PRKACB: variants seen among roughly 807,000 people sequenced by gnomAD.
PRKACB encodes cAMP-dependent protein kinase catalytic subunit beta.
PRKACB carries 16 observed loss-of-function variants against 51.4 expected under a neutral mutation model. The observed-to-expected ratio is 0.31, with a 90% CI of 0.21 to 0.47. The LOEUF (loss-of-function observed/expected upper bound fraction) is 0.47, where lower values mean the gene tolerates loss of function less well. Among genes scored for constraint, PRKACB ranks in the 20% least tolerant of loss-of-function variants. The pLI is 1.00. For missense variants in PRKACB, 309 were observed against 464.5 expected (o/e 0.67, Z 3.08); for synonymous variants, 147 against 154.4 (o/e 0.95, Z 0.35).
At chr1:84,201,823 A>G (rs979985309) in intron 7 of PRKACB, among the ~76,000 whole-genome samples, 2 of 152,154 alleles carry the variant, frequency 1.3e-5, no homozygotes, top group Non-Finnish European at 2.9e-5. Context: ...GTTGATACTG[A>G]CCATAGTTAA....
rs112335906 is a variant in PRKACB, at chr1:84,090,053, T to C, written c.46+11682T>C. Among the ~76,000 whole-genome samples, 576 of 152,352 alleles carry C rather than the reference T, an allele frequency of 3.8e-3. 3 individuals are homozygous for C. The highest frequency in any genetic ancestry group is 0.013 in the African/African-American group (542 of 41,574). ...AGAGCTAAGCACTGCTAGAGAAAGC[T>C]GCACAGAAGAACACTAGAAATTTAC... On this transcript the variant is annotated intron_variant, in intron 1 of 8. Coordinates refer to the PRKACB transcript ENST00000370688.
At chr1:84,078,173 C>T (rs1647238729) in exon 1 of PRKACB, 2 of 793,122 alleles carry the variant, frequency 2.5e-6, no homozygotes, top group Admixed American at 3.1e-5. Context: ...TCAGACCCGG[C>T]CCGGTCTTCG....
chr1:84,123,969 C>A (rs1455673777), intron 1 of PRKACB, among the ~76,000 whole-genome samples: 1 of 151,812 alleles, frequency 6.6e-6, no homozygotes, highest in East Asian at 1.9e-4. Flanking sequence ...TGCATAGCTC[C>A]CTAAAGTAGT....
chr1:84,107,455 G>A (rs1464776805), intron 1 of PRKACB, among the ~76,000 whole-genome samples: 1 of 152,058 alleles, frequency 6.6e-6, no homozygotes, highest in Non-Finnish European at 1.5e-5. Flanking sequence ...AATGGCACAA[G>A]CAATTTCAAC....
intron 1 of PRKACB, among the ~76,000 whole-genome samples, chr1:84,093,445 G>C (rs1648678050): frequency 6.6e-6 from 1 of 151,886 alleles, no homozygotes; most frequent in African/African-American, 2.4e-5. Context: ...AATATATCTG[G>C]TTTCCTTCTT....
chr1:84,078,129 T>G (rs1450750178), upstream of PRKACB: 9 of 500,648 alleles, frequency 1.8e-5, no homozygotes, highest in Admixed American at 3.4e-4. Context: ...CCGCTGCTGC[T>G]GCCGGTGCTA....
intron 1 of PRKACB, among the ~76,000 whole-genome samples, chr1:84,109,914 T>C (rs1258254103): frequency 6.6e-6 from 1 of 151,988 alleles, no homozygotes; most frequent in Non-Finnish European, 1.5e-5. Context: ...CTTATTTGTC[T>C]TTCAATTTTA....
At chr1:84,106,413 A>G (rs1346978570) in intron 1 of PRKACB, among the ~76,000 whole-genome samples, 3 of 152,214 alleles carry the variant, frequency 2.0e-5, no homozygotes, top group African/African-American at 4.8e-5. Context: ...ACGAAGTTTC[A>G]GGATACAAAT....
intron 1 of PRKACB, among the ~76,000 whole-genome samples, chr1:84,147,365 C>T (rs1474020851): frequency 2.0e-5 from 3 of 151,988 alleles, no homozygotes; most frequent in African/African-American, 7.2e-5. Context: ...AGTTTACCTC[C>T]TATTTGTTAG....
At chr1:84,116,019 G>A (rs1650612316) in intron 1 of PRKACB, among the ~76,000 whole-genome samples, 1 of 150,998 alleles carries the variant, frequency 6.6e-6, no homozygotes, top group African/African-American at 2.4e-5. Context: ...ATTTTGAGTT[G>A]ATGTTTCTAT....
rs1649150236 is a variant in PRKACB at position 84,099,159 on chromosome 1, A to G, written c.46+20788A>G. Among the ~76,000 whole-genome samples, 3 of 152,134 alleles carry G rather than the reference A, an allele frequency of 2.0e-5. No individual in the cohort carries two copies. In the South Asian group the frequency reaches 6.2e-4, roughly 31 times the overall value. On this transcript the variant is annotated intron_variant, in intron 1 of 8. Coordinates refer to the PRKACB transcript ENST00000370688. ...AATGTGTATATCTTCAATTAACTAC[A>G]AATAATCCAATTTTATTTGTAGTGT...
At chr1:84,177,625 C>A (rs1661753036) in intron 1 of PRKACB, among the ~76,000 whole-genome samples, 2 of 151,874 alleles carry the variant, frequency 1.3e-5, no homozygotes, top group South Asian at 4.2e-4. Context: ...ATCTGTAGTC[C>A]CAGCTACTCA....
chr1:84,132,314 C>T (rs1652315541), intron 1 of PRKACB, among the ~76,000 whole-genome samples: 1 of 152,076 alleles, frequency 6.6e-6, no homozygotes, highest in African/African-American at 2.4e-5. Flanking sequence ...GAGATAAGCT[C>T]AAAGTCAATG....
intron 1 of PRKACB, among the ~76,000 whole-genome samples, chr1:84,128,626 A>C (rs1048060697): frequency 2.6e-5 from 4 of 152,194 alleles, no homozygotes; most frequent in Admixed American, 2.0e-4. Flanking sequence ...TATTAATGTA[A>C]TACAGTTTAC....
chr1:84,187,023 A>G (rs1376996406), intron 5 of PRKACB, among the ~76,000 whole-genome samples: 6 of 152,184 alleles, frequency 3.9e-5, no homozygotes, highest in Non-Finnish European at 8.8e-5. Flanking sequence ...ATATAGTAAA[A>G]TGTATTTGTG....
chr1:84,234,165 A>G (rs1031616020), intron 9 of PRKACB, among the ~76,000 whole-genome samples: 31 of 152,188 alleles, frequency 2.0e-4, no homozygotes, highest in Non-Finnish European at 3.7e-4. Flanking sequence ...CTGTTGGAGT[A>G]CCTGGCCCTA....
In PRKACB at chr1:84,123,004, C is replaced by T. The variant is rs529914612; in HGVS notation, c.46+44633C>T. Among the ~76,000 whole-genome samples, 168 of 152,180 alleles carry T rather than the reference C, an allele frequency of 1.1e-3. 4 individuals are homozygous for T. Among genetic ancestry groups the T allele is most frequent in the Non-Finnish European group, 9.6e-4 (65 of 67,984 alleles). On this transcript the variant is annotated intron_variant, in intron 1 of 8. Transcript: ENST00000370688. ...CATTCTGCCACCTTCTGGCTGACTC[C>T]GTAGCTTATAATATTGTGAGGTAAG...
chr1:84,157,573 A>G (rs949500589), intron 1 of PRKACB, among the ~76,000 whole-genome samples: 2 of 152,130 alleles, frequency 1.3e-5, no homozygotes, highest in Non-Finnish European at 2.9e-5. Flanking sequence ...TCTCACCTCA[A>G]TCTCAGATAA....
At chr1:84,140,360 A>G (rs1476337072), upstream of PRKACB, among the ~76,000 whole-genome samples, 2 of 152,240 alleles carry the variant, frequency 1.3e-5, no homozygotes, top group Non-Finnish European at 2.9e-5. Flanking sequence ...CACAATTGCC[A>G]TACTATACTA....
Sources: gnomAD v4.1 joint callset for allele counts (sites outside exome capture counted in the v4.1 genomes callset) on GRCh38, gnomAD v4.1.1 for gene constraint, MANE v1.5 for transcripts, NCBI Gene and HGNC (gene_info 2026-07-23, HGNC 2026-07-21) for gene names.